IL1RAPL2: variants seen among roughly 807,000 people sequenced by gnomAD.
IL1RAPL2 encodes interleukin 1 receptor accessory protein like 2.
Under a neutral mutation model 44.1 loss-of-function variants are expected in IL1RAPL2, and 3 were observed. The ratio of observed to expected loss-of-function variants is 0.07; its 90% CI spans 0.03 to 0.18. The LOEUF (loss-of-function observed/expected upper bound fraction) is 0.18. Ranked by LOEUF, IL1RAPL2 falls within the 10% of genes least tolerant of loss-of-function variation. The pLI, the probability that IL1RAPL2 is intolerant of heterozygous loss-of-function variation, is 1.00. For missense variants in IL1RAPL2, 391 were observed against 496.4 expected, an observed-to-expected ratio of 0.79 and a Z score of 2.02; for synonymous variants, 181 against 178.8, an observed-to-expected ratio of 1.01 and a Z score of -0.10.
At chrX:105,035,006 C>G (rs1389795452) in intron 2 of IL1RAPL2, among the ~76,000 whole-genome samples, 1 of 60,933 alleles carries the variant, frequency 1.6e-5, no homozygotes, top group African/African-American at 7.1e-5. Context: ...TGCTAGCAAT[C>G]AGCGAGACAC....
At chrX:105,327,029 A>G (rs2034944420) in intron 5 of IL1RAPL2, among the ~76,000 whole-genome samples, 1 of 112,301 alleles carries the variant, frequency 8.9e-6, no homozygotes, top group African/African-American at 3.2e-5. Flanking sequence ...GATGAAAGGG[A>G]AGTTGGGTAG....
intron 2 of IL1RAPL2, among the ~76,000 whole-genome samples, chrX:104,839,537 C>A (rs890645809): frequency 9.0e-6 from 1 of 111,676 alleles, no homozygotes; most frequent in Non-Finnish European, 1.9e-5. Flanking sequence ...TGGACATTTG[C>A]CTGAAATTTT....
intron 2 of IL1RAPL2, among the ~76,000 whole-genome samples, chrX:104,729,471 T>TTTC (rs1931861403): frequency 1.4e-5 from 1 of 70,449 alleles, no homozygotes; most frequent in East Asian, 4.5e-4. Flanking sequence ...TTTTTTTTTT[T>TTTC]GTACAGCCTG....
chrX:104,712,821 T>A (rs920377732), intron 2 of IL1RAPL2, among the ~76,000 whole-genome samples: 9 of 95,238 alleles, frequency 9.5e-5, no homozygotes, highest in African/African-American at 3.2e-4. Flanking sequence ...TCTCTACAAA[T>A]CCCCTTTGAC....
At chrX:105,254,650 T>C (rs2034300211) in intron 4 of IL1RAPL2, among the ~76,000 whole-genome samples, 1 of 112,165 alleles carries the variant, frequency 8.9e-6, no homozygotes, top group African/African-American at 3.2e-5. Flanking sequence ...CTGAATGCTG[T>C]TGCCTAGGTT....
intron 2 of IL1RAPL2, among the ~76,000 whole-genome samples, chrX:105,065,387 C>A (rs2032125335): frequency 9.0e-6 from 1 of 111,629 alleles, no homozygotes; most frequent in African/African-American, 3.3e-5. Flanking sequence ...TAATTTATTT[C>A]TATTAGGCTC....
chrX:105,353,023 T>C lies in IL1RAPL2; in HGVS notation c.697+85482T>C, dbSNP rs778916292. 7.7e-3 allele frequency among the ~76,000 whole-genome samples: 857 copies of C among 111,489 alleles called. 9 individuals are homozygous for C. The highest frequency in any genetic ancestry group is 0.027 in the African/African-American group (818 of 30,658). ...TCCTTGCCCATGCCTATGTCCTGAA[T>C]GGTATTGCCTAGGTTTTCTTCTAGG... On this transcript the variant is annotated intron_variant, in intron 5 of 10. Transcript: ENST00000372582.
At chrX:104,604,987 C>T (rs759448413) in intron 1 of IL1RAPL2, among the ~76,000 whole-genome samples, 1 of 111,610 alleles carries the variant, frequency 9.0e-6, no homozygotes, top group South Asian at 3.8e-4. Context: ...ATCTACAGAA[C>T]TCTCCACCCC....
intron 2 of IL1RAPL2, among the ~76,000 whole-genome samples, chrX:104,908,559 A>C (rs1924116629): frequency 9.0e-6 from 1 of 110,925 alleles, no homozygotes; most frequent in African/African-American, 3.3e-5. Flanking sequence ...TCCTTCACTT[A>C]TGAAGCTTAG....
intron 8 of IL1RAPL2, among the ~76,000 whole-genome samples, chrX:105,745,526 G>T (rs1260786201): frequency 9.0e-6 from 1 of 111,689 alleles, no homozygotes; most frequent in African/African-American, 3.3e-5. Flanking sequence ...TTGGTATCTG[G>T]TAAGGACCCA....
chrX:105,388,871 T>G (rs1213636407), intron 5 of IL1RAPL2, among the ~76,000 whole-genome samples: 1 of 111,704 alleles, frequency 9.0e-6, no homozygotes, highest in Non-Finnish European at 1.9e-5. Flanking sequence ...GGTACTAATC[T>G]TTGGGAATTC....
At chrX:105,595,561 AT>A (rs1484231230) in intron 6 of IL1RAPL2, among the ~76,000 whole-genome samples, 1 of 110,592 alleles carries the variant, frequency 9.0e-6, no homozygotes, top group African/African-American at 3.3e-5. Flanking sequence ...TTTTACGTCT[AT>A]TTTCATCGGA....
At chrX:105,167,392 T>C (rs1602988012) in intron 2 of IL1RAPL2, among the ~76,000 whole-genome samples, 1 of 112,284 alleles carries the variant, frequency 8.9e-6, no homozygotes, top group African/African-American at 3.2e-5. Context: ...ACTTGGTCAA[T>C]TTTGTTTTTC....
At chrX:104,944,282 A>C (rs1190792558) in intron 2 of IL1RAPL2, among the ~76,000 whole-genome samples, 2 of 112,051 alleles carry the variant, frequency 1.8e-5, no homozygotes, top group Non-Finnish European at 1.9e-5. Flanking sequence ...TTCTTTTCTA[A>C]ACATCTCCTC....
intron 2 of IL1RAPL2, among the ~76,000 whole-genome samples, chrX:104,850,787 G>GA (rs1303745675): frequency 4.5e-5 from 5 of 111,194 alleles, no homozygotes; most frequent in Non-Finnish European, 9.4e-5. Context: ...AAAGTGGGTA[G>GA]AAAAAATAGA....
intron 1 of IL1RAPL2, among the ~76,000 whole-genome samples, chrX:104,615,012 G>A (rs767934852): frequency 9.0e-6 from 1 of 111,349 alleles, no homozygotes; most frequent in African/African-American, 3.3e-5. Context: ...AGGAGGTTTT[G>A]ATCATATCAT....
chrX:104,890,444 T>G (rs375570145), intron 2 of IL1RAPL2, among the ~76,000 whole-genome samples: 1 of 111,863 alleles, frequency 8.9e-6, no homozygotes, highest in East Asian at 2.8e-4. Flanking sequence ...TTTCTCCACA[T>G]CCTCTCCAGC....
chrX:105,202,770 G>A (rs947929697), intron 3 of IL1RAPL2, among the ~76,000 whole-genome samples: 8 of 110,518 alleles, frequency 7.2e-5, no homozygotes, highest in Admixed American at 1.9e-4. Flanking sequence ...CATCTTACTC[G>A]CTTGTGAAAA....
intron 5 of IL1RAPL2, among the ~76,000 whole-genome samples, chrX:105,447,386 AATATAAAT>A (rs1216435594): frequency 4.0e-4 from 27 of 67,816 alleles, no homozygotes; most frequent in African/African-American, 9.8e-4. Context: ...TAAATATATA[AATATAAAT>A]ATATAAATAT....
Sources: allele counts gnomAD v4.1 joint callset (sites outside exome capture counted in the v4.1 genomes callset), GRCh38; gene constraint gnomAD v4.1.1; transcripts MANE v1.5; gene names NCBI Gene and HGNC (gene_info 2026-07-23, HGNC 2026-07-21).